Variants in ERBB4 observed in about 807,000 individuals in gnomAD.
The protein encoded by ERBB4 is receptor tyrosine-protein kinase erbB-4.
ERBB4 carries 42 observed loss-of-function variants against 158.0 expected under a neutral mutation model. That is an observed-to-expected ratio of 0.27 (90% confidence interval 0.21 to 0.34). ERBB4 has a LOEUF of 0.34. ERBB4 is among the 10% of genes least tolerant of loss of function. The probability of loss-of-function intolerance (pLI) is 1.00; values close to 1 mark genes in which losing one functional copy is unlikely to be tolerated. For synonymous variants in ERBB4, 583 were observed against 558.7 expected (o/e 1.04, Z -0.61); for missense variants, 1,333 against 1,624.1 (o/e 0.82, Z 3.08).
At chr2:212,210,775 T>C (rs2082910458) in intron 1 of ERBB4, among the ~76,000 whole-genome samples, 1 of 152,134 alleles carries the variant, frequency 6.6e-6, no homozygotes, top group Non-Finnish European at 1.5e-5. Flanking sequence ...CTTCTGTTTA[T>C]TCTGGAAATA....
At chr2:212,399,800 A>G (rs567737285) in intron 1 of ERBB4, among the ~76,000 whole-genome samples, 7 of 151,688 alleles carry the variant, frequency 4.6e-5, no homozygotes, top group Non-Finnish European at 8.8e-5. Context: ...AATTACTTCA[A>G]TCCAGGAGGT....
intron 1 of ERBB4, among the ~76,000 whole-genome samples, chr2:212,462,613 C>T (rs1688631042): frequency 6.6e-6 from 1 of 151,916 alleles, no homozygotes; most frequent in Non-Finnish European, 1.5e-5. Context: ...GAAATAATGA[C>T]AGGGATGCCA....
At chr2:211,764,609 A>G (rs1181305934) in intron 4 of ERBB4, among the ~76,000 whole-genome samples, 1 of 152,202 alleles carries the variant, frequency 6.6e-6, no homozygotes, top group Non-Finnish European at 1.5e-5. Context: ...TAACTTGCCC[A>G]AGATCACACA....
chr2:212,274,586 A>G (rs1209850800), intron 1 of ERBB4, among the ~76,000 whole-genome samples: 2 of 151,820 alleles, frequency 1.3e-5, no homozygotes, highest in African/African-American at 4.8e-5. Flanking sequence ...CTAATATGGC[A>G]CCTTAACATT....
chr2:212,399,543 T>TAC (rs1353349957), intron 1 of ERBB4, among the ~76,000 whole-genome samples: 1 of 18,016 alleles, frequency 5.6e-5, no homozygotes, highest in Non-Finnish European at 9.6e-5. Context: ...ATTTTATATA[T>TAC]ACATATATAT....
At chr2:211,688,240 T>C (rs983422095) in intron 12 of ERBB4, among the ~76,000 whole-genome samples, 7 of 152,226 alleles carry the variant, frequency 4.6e-5, no homozygotes, top group African/African-American at 9.6e-5. Flanking sequence ...TATTTCCTCC[T>C]GTCTGAAGGA....
At chr2:211,675,284 C>T (rs1279623810) in intron 13 of ERBB4, among the ~76,000 whole-genome samples, 1 of 152,128 alleles carries the variant, frequency 6.6e-6, no homozygotes. Flanking sequence ...TTAGCAAGTC[C>T]TGTGATCAAG....
chr2:211,630,400 C>T (rs1474196690), intron 17 of ERBB4, 62 bp downstream of exon 17: 2 of 1,591,786 alleles, frequency 1.3e-6, no homozygotes, highest in African/African-American at 1.3e-5. Context: ...TGAACATCAT[C>T]TAAACCTTCT....
intron 1 of ERBB4, among the ~76,000 whole-genome samples, chr2:212,422,865 T>G (rs1049881503): frequency 3.9e-5 from 6 of 152,182 alleles, no homozygotes; most frequent in Non-Finnish European, 7.3e-5. Flanking sequence ...ATATGTGATA[T>G]AAAATTGTCA....
intron 2 of ERBB4, among the ~76,000 whole-genome samples, chr2:211,992,293 T>G (rs2082091654): frequency 6.6e-6 from 1 of 152,088 alleles, no homozygotes; most frequent in East Asian, 1.9e-4. Context: ...ACTTCTTACA[T>G]GGCAGCAGCA....
At chr2:212,342,824 C>G (rs1047622285) in intron 1 of ERBB4, among the ~76,000 whole-genome samples, 1 of 152,132 alleles carries the variant, frequency 6.6e-6, no homozygotes, top group African/African-American at 2.4e-5. Flanking sequence ...AATATTAGAA[C>G]TTTGTAAACA....
At chr2:211,789,113 A>G (rs998074194) in intron 3 of ERBB4, among the ~76,000 whole-genome samples, 4 of 152,148 alleles carry the variant, frequency 2.6e-5, no homozygotes, top group African/African-American at 9.7e-5. Context: ...TATTCTTATT[A>G]TTTGAAGAAA....
intron 1 of ERBB4, among the ~76,000 whole-genome samples, chr2:212,341,686 ATTTC>A (rs1251042315): frequency 2.6e-5 from 4 of 152,270 alleles, no homozygotes; most frequent in East Asian, 1.9e-4. Flanking sequence ...GCATTTTGCA[ATTTC>A]TTTATTTAGT....
At position 211,648,893 on chromosome 2, in the gene ERBB4, C is replaced by T. The variant is rs530713343; in HGVS notation, c.1946+8861G>A. Among the ~76,000 whole-genome samples, 4 of 151,870 alleles carry T rather than the reference C, an allele frequency of 2.6e-5. No homozygotes were observed. In the East Asian group the frequency reaches 7.7e-4, roughly 29 times the overall value. On this transcript the variant is annotated intron_variant, in intron 16 of 27. Coordinates refer to ENST00000342788, the MANE Select transcript of ERBB4 (RefSeq NM_005235.3). The stretch of plus-strand genomic sequence containing the variant: ...TGATGAGGGAGGCTGGGGATGGTAG[C>T]ATTAATGCAATTAGGAACAGGTGAA...
intron 15 of ERBB4, among the ~76,000 whole-genome samples, chr2:211,661,029 AAAAT>A (rs2071404056): frequency 6.6e-6 from 1 of 152,116 alleles, no homozygotes; most frequent in African/African-American, 2.4e-5. Flanking sequence ...TGGAGATAGA[AAAAT>A]AGAGGCTGGG....
rs796337876 is a variant in ERBB4, at chr2:211,861,141, T to A, written c.422-72982A>T. 6.8e-5 allele frequency among the ~76,000 whole-genome samples: 3 copies of A among 43,852 alleles called. 1 individual carries two copies. The highest frequency in any genetic ancestry group is 2.6e-4 in the African/African-American group (3 of 11,448). 28.8% of individuals were successfully genotyped at this position (43,852 alleles called of 152,430 possible). A position where few individuals can be genotyped will look rare whatever the true frequency, so the allele number is the denominator to read the frequency against. On this transcript the variant is annotated intron_variant, in intron 3 of 27. Coordinates refer to ENST00000342788, the MANE Select transcript of ERBB4 (RefSeq NM_005235.3). ...TATATATTTTATATATATATATATA[T>A]ATATATATATATATTAAAAAAAAGT...
intron 1 of ERBB4, among the ~76,000 whole-genome samples, chr2:212,442,872 G>C (rs2092282875): frequency 6.6e-6 from 1 of 152,206 alleles, no homozygotes; most frequent in Admixed American, 6.5e-5. Flanking sequence ...TCAAGGACTT[G>C]AAGTTGCAGG....
intron 1 of ERBB4, among the ~76,000 whole-genome samples, chr2:212,442,408 C>T (rs754726890): frequency 4.6e-5 from 7 of 152,122 alleles, no homozygotes; most frequent in Non-Finnish European, 8.8e-5. Flanking sequence ...ATCTTTCTCC[C>T]ATCCTTCCCC....
intron 1 of ERBB4, among the ~76,000 whole-genome samples, chr2:212,432,137 T>A (rs574717914): frequency 6.6e-6 from 1 of 152,296 alleles, no homozygotes; most frequent in South Asian, 2.1e-4. Context: ...TTGGTCTATC[T>A]CTGTTGCTAT....
Sources: gnomAD v4.1 joint callset for allele counts (sites outside exome capture counted in the v4.1 genomes callset) on GRCh38, gnomAD v4.1.1 for gene constraint, MANE v1.5 for transcripts, NCBI Gene and HGNC (gene_info 2026-07-23, HGNC 2026-07-21) for gene names.